Variants in CSMD1 observed in about 807,000 individuals in gnomAD.
CSMD1 encodes the protein CUB and Sushi multiple domains 1.
CSMD1 carries 213 observed loss-of-function variants against 417.5 expected under a neutral mutation model. That is an observed-to-expected ratio of 0.51 (90% CI 0.46 to 0.57). CSMD1 has a LOEUF of 0.57. CSMD1 is among the 20% of genes least tolerant of loss of function. CSMD1 has a pLI of 0.00. For missense variants in CSMD1, 6,923 were observed against 4,529.7 expected (o/e 1.53, Z -15.17); for synonymous variants, 2,862 against 1,736.8 (o/e 1.65, Z -16.11).
chr8:3,281,012 T>C (rs1197981686), intron 26 of CSMD1, among the ~76,000 whole-genome samples: 1 of 152,200 alleles, frequency 6.6e-6, no homozygotes, highest in African/African-American at 2.4e-5. Flanking sequence ...ACATAATCCA[T>C]GAACCCTCTT....
At chr8:3,310,653 G>A (rs1021409724) in intron 23 of CSMD1, among the ~76,000 whole-genome samples, 14 of 152,158 alleles carry the variant, frequency 9.2e-5, no homozygotes, top group Admixed American at 3.3e-4. Flanking sequence ...CCTATGATCA[G>A]TACCACTGGA....
chr8:3,321,201 C>T (rs975933325), intron 23 of CSMD1, among the ~76,000 whole-genome samples: 1 of 152,088 alleles, frequency 6.6e-6, no homozygotes, highest in Non-Finnish European at 1.5e-5. Flanking sequence ...CTAAGCCTTC[C>T]TCACTGCACA....
At chr8:4,591,166 A>T (rs1015379609) in intron 2 of CSMD1, among the ~76,000 whole-genome samples, 2 of 152,234 alleles carry the variant, frequency 1.3e-5, no homozygotes, top group African/African-American at 4.8e-5. Context: ...TTGAGTGCTT[A>T]CTGTTTACAA....
intron 51 of CSMD1, among the ~76,000 whole-genome samples, chr8:3,021,068 T>C (rs1321211291): frequency 6.6e-6 from 1 of 152,358 alleles, no homozygotes; most frequent in South Asian, 2.1e-4. Flanking sequence ...GAAACTTCCA[T>C]GCTTGCCAGA....
At chr8:4,410,858 T>C (rs1446030518) in intron 3 of CSMD1, among the ~76,000 whole-genome samples, 1 of 152,174 alleles carries the variant, frequency 6.6e-6, no homozygotes, top group Non-Finnish European at 1.5e-5. Flanking sequence ...ACTGTCAGTG[T>C]AATAAGTTTG....
intron 1 of CSMD1, among the ~76,000 whole-genome samples, chr8:4,887,886 G>C (rs1408932586): frequency 6.6e-6 from 1 of 151,874 alleles, no homozygotes; most frequent in African/African-American, 2.4e-5. Context: ...TAATGCGTTA[G>C]TTTTCATTCT....
intron 1 of CSMD1, among the ~76,000 whole-genome samples, chr8:4,751,921 A>G (rs1348233463): frequency 6.6e-6 from 1 of 152,178 alleles, no homozygotes; most frequent in African/African-American, 2.4e-5. Context: ...TTCCAGAGTC[A>G]GGAAGATCCA....
intron 40 of CSMD1, among the ~76,000 whole-genome samples, chr8:3,147,069 CA>C (rs34529792): frequency 0.12 from 18,050 of 152,104 alleles, 1,525 homozygotes; most frequent in African/African-American, 0.23. Context: ...ACTGGAGGAG[CA>C]ACGCTTACTG....
At chr8:4,262,053 T>C (rs2128842231) in intron 3 of CSMD1, among the ~76,000 whole-genome samples, 1 of 152,332 alleles carries the variant, frequency 6.6e-6, no homozygotes, top group South Asian at 2.1e-4. Flanking sequence ...TCCCATATTT[T>C]AGATTTACCT....
intron 7 of CSMD1, among the ~76,000 whole-genome samples, chr8:3,628,202 T>A (rs1796589730): frequency 6.6e-6 from 1 of 152,186 alleles, no homozygotes; most frequent in Admixed American, 6.5e-5. Context: ...CGCGGTTGTA[T>A]TTTTATTTTT....
At chr8:3,672,617 A>T (rs1799135204) in intron 7 of CSMD1, among the ~76,000 whole-genome samples, 1 of 152,166 alleles carries the variant, frequency 6.6e-6, no homozygotes, top group Admixed American at 6.6e-5. Context: ...CTACTCTTGA[A>T]GGTATTTACT....
chr8:3,553,159 A>G (rs1427726528), intron 10 of CSMD1, among the ~76,000 whole-genome samples: 1 of 152,082 alleles, frequency 6.6e-6, no homozygotes, highest in African/African-American at 2.4e-5. Flanking sequence ...TACTCTGAAT[A>G]TCTTTCATCA....
chr8:3,902,741 C>G (rs544146475), intron 5 of CSMD1, among the ~76,000 whole-genome samples: 6 of 152,224 alleles, frequency 3.9e-5, no homozygotes, highest in African/African-American at 1.4e-4. Context: ...GAGACCCCTG[C>G]TGAGGTACAC....
chr8:3,075,960 A>G (rs1384964324), intron 49 of CSMD1, among the ~76,000 whole-genome samples: 1 of 151,496 alleles, frequency 6.6e-6, no homozygotes, highest in Non-Finnish European at 1.5e-5. Context: ...CTGAGGCAGG[A>G]GAATGGCATG....
At chr8:3,558,496 CGGTGCCTCAAT>C (rs1563152559) in intron 10 of CSMD1, among the ~76,000 whole-genome samples, 158 of 114,492 alleles carry the variant, frequency 1.4e-3, no homozygotes, top group African/African-American at 4.9e-3. Context: ...CAATGATGAA[CGGTGCCTCAAT>C]GGTACCCCAT....
chr8:4,428,426 G>C (rs1279428882), intron 2 of CSMD1, among the ~76,000 whole-genome samples: 1 of 152,090 alleles, frequency 6.6e-6, no homozygotes, highest in Non-Finnish European at 1.5e-5. Context: ...TAAATGATTT[G>C]CTAATGCAAT....
intron 5 of CSMD1, among the ~76,000 whole-genome samples, chr8:3,867,553 C>A (rs562427693): frequency 2.0e-5 from 3 of 152,018 alleles, no homozygotes; most frequent in African/African-American, 7.2e-5. Context: ...TAGTGAGAGA[C>A]GTCTAATCCT....
rs151120746 is a variant in CSMD1, at chr8:4,717,370, T to C, written c.86-79812A>G. Among the ~76,000 whole-genome samples the C allele has an allele frequency of 5.1e-3, 727 of 141,890 alleles. 16 individuals carry two copies. The East Asian group carries it at 0.061, about 12-fold the overall frequency. 93.1% of individuals were successfully genotyped at this position (141,890 alleles called of 152,430 possible). ...ATACACACACATATATACACACATA[T>C]ATATACACACACACATATACATACA... On this transcript the variant is annotated intron_variant, in intron 1 of 69. Transcript: ENST00000635120.
chr8:4,160,001 G>A (rs755311126), intron 3 of CSMD1, among the ~76,000 whole-genome samples: 2 of 151,866 alleles, frequency 1.3e-5, no homozygotes, highest in Non-Finnish European at 2.9e-5. Context: ...ATAATGCTCT[G>A]GTGATGGGTG....
Sources: gnomAD v4.1 joint callset for allele counts (sites outside exome capture counted in the v4.1 genomes callset) on GRCh38, gnomAD v4.1.1 for gene constraint, MANE v1.5 for transcripts, NCBI Gene and HGNC (gene_info 2026-07-23, HGNC 2026-07-21) for gene names.